MTREX: variants seen among roughly 807,000 people sequenced by gnomAD.
MTREX encodes Mtr4 exosome RNA helicase.
MTREX carries 76 observed loss-of-function variants against 135.4 expected under a neutral mutation model. The observed-to-expected ratio is 0.56, with a 90% CI of 0.47 to 0.68. The LOEUF (loss-of-function observed/expected upper bound fraction) is 0.68, where lower values mean the gene tolerates loss of function less well. Among genes scored for constraint, MTREX ranks in the 30% least tolerant of loss-of-function variants. MTREX has a pLI of 0.00. For synonymous variants in MTREX, 404 were observed against 401.6 expected, an observed-to-expected ratio of 1.01 and a Z score of -0.07; for missense variants, 920 against 1,262.1, an observed-to-expected ratio of 0.73 and a Z score of 4.11.
intron 5 of MTREX, among the ~76,000 whole-genome samples, chr5:55,330,033 C>G (rs1401223346): frequency 1.3e-5 from 2 of 151,794 alleles, no homozygotes; most frequent in African/African-American, 4.8e-5. Context: ...ATCTTTGCTT[C>G]TGAATTTTCT....
intron 11 of MTREX, among the ~76,000 whole-genome samples, chr5:55,348,335 G>C (rs993802750): frequency 6.6e-6 from 1 of 152,162 alleles, no homozygotes; most frequent in Admixed American, 6.5e-5. Flanking sequence ...CATTCATGAG[G>C]ACCCTGTCTC....
chr5:55,414,305 T>G, intron 24 of MTREX, 67 bp downstream of exon 24: 1 of 1,236,520 alleles, frequency 8.1e-7, no homozygotes, highest in African/African-American at 1.6e-5. Context: ...AATAAACATT[T>G]TTGATAATCT....
In MTREX at chr5:55,425,234, T is replaced by C. The variant is rs144798547; in HGVS notation, c.*462T>C. ...AGGCTGGTGATTGCTCGGATAGTGA[T>C]TCCCAGTTGTTGGTGTTTCATGCAG... On this transcript the variant is annotated 3_prime_UTR_variant, in exon 27 of 27. Coordinates refer to ENST00000230640, the MANE Select transcript of MTREX (RefSeq NM_015360.5). 1.6e-4 allele frequency: 266 copies of C among 1,613,846 alleles called. No individual in the cohort carries two copies. The highest frequency in any genetic ancestry group is 2.1e-4 in the Non-Finnish European group (250 of 1,179,964).
At chr5:55,322,614 T>A in intron 2 of MTREX, 150 bp downstream of exon 2, 2 of 543,292 alleles carry the variant, frequency 3.7e-6, no homozygotes, top group Non-Finnish European at 6.2e-6. Flanking sequence ...CATGTAAATG[T>A]AGAACACTTA....
At chr5:55,330,243 G>C (rs1238834224) in intron 5 of MTREX, among the ~76,000 whole-genome samples, 5 of 151,774 alleles carry the variant, frequency 3.3e-5, no homozygotes, top group Non-Finnish European at 7.4e-5. Context: ...GACTGGCTAA[G>C]TTTTTGATTA....
intron 19 of MTREX, among the ~76,000 whole-genome samples, chr5:55,396,425 T>A (rs1336213596): frequency 6.6e-6 from 1 of 152,152 alleles, no homozygotes; most frequent in Non-Finnish European, 1.5e-5. Context: ...ATACATGTAT[T>A]TGCTGGTCAA....
chr5:55,346,255 A>G (rs1749730950), intron 10 of MTREX, among the ~76,000 whole-genome samples: 1 of 152,210 alleles, frequency 6.6e-6, no homozygotes, highest in Non-Finnish European at 1.5e-5. Flanking sequence ...AGTATTTTCC[A>G]AAGTGGCTAT....
chr5:55,358,716 G>C lies in MTREX; in HGVS notation c.1659+18G>C. 1 of 1,567,112 alleles carries C rather than the reference G, an allele frequency of 6.4e-7. No individual in the cohort carries two copies. The highest frequency in any genetic ancestry group is 8.6e-7 in the Non-Finnish European group (1 of 1,164,480). On this transcript the variant is annotated intron_variant, in intron 15 of 26. Transcript: ENST00000230640. Reference sequence around the variant, plus strand: ...TACTTAAGGTAACTACATTAAGATTGTGTACCTTTACCAAGAATTCCAGAA... The same window carrying C: ...TACTTAAGGTAACTACATTAAGATTCTGTACCTTTACCAAGAATTCCAGAA...
intron 12 of MTREX, among the ~76,000 whole-genome samples, chr5:55,350,640 A>G (rs1400037219): frequency 1.3e-5 from 2 of 152,226 alleles, no homozygotes; most frequent in Non-Finnish European, 2.9e-5. Flanking sequence ...ATAATGTGTA[A>G]TTGTTTTTTG....
chr5:55,329,116 A>G (rs1749427685), intron 5 of MTREX, among the ~76,000 whole-genome samples: 1 of 152,102 alleles, frequency 6.6e-6, no homozygotes, highest in African/African-American at 2.4e-5. Flanking sequence ...CTTGGTTTGC[A>G]GAGATTTTGT....
intron 16 of MTREX, among the ~76,000 whole-genome samples, chr5:55,373,621 TCACA>T (rs1218417604): frequency 2.1e-4 from 32 of 152,144 alleles, no homozygotes; most frequent in Admixed American, 2.0e-3. Context: ...TGTGAGCTAC[TCACA>T]CACACACAAA....
intron 21 of MTREX, among the ~76,000 whole-genome samples, chr5:55,400,934 T>C (rs550400379): frequency 1.8e-3 from 273 of 152,372 alleles, no homozygotes; most frequent in African/African-American, 6.3e-3. Flanking sequence ...TTGTGTCTGC[T>C]GTCTTTCAGT....
intron 16 of MTREX, among the ~76,000 whole-genome samples, chr5:55,370,562 A>G (rs913941176): frequency 6.6e-6 from 1 of 152,176 alleles, no homozygotes; most frequent in Non-Finnish European, 1.5e-5. Context: ...TTAAAGGGGC[A>G]GGCTCTGTTT....
At chr5:55,357,283 C>A (rs1749932889) in intron 14 of MTREX, 1 of 152,478 alleles carries the variant, frequency 6.6e-6, no homozygotes, top group Non-Finnish European at 1.5e-5. Context: ...ACTTAACTGT[C>A]ATATATGGGT....
At chr5:55,403,012 A>G (rs1390021070) in intron 21 of MTREX, among the ~76,000 whole-genome samples, 1 of 151,930 alleles carries the variant, frequency 6.6e-6, no homozygotes, top group African/African-American at 2.4e-5. Flanking sequence ...ACCCTGGACA[A>G]GATGATGAGA....
At chr5:55,355,330 C>T (rs1490004379) in intron 14 of MTREX, among the ~76,000 whole-genome samples, 1 of 152,174 alleles carries the variant, frequency 6.6e-6, no homozygotes, top group Non-Finnish European at 1.5e-5. Flanking sequence ...AGGATTGAAC[C>T]AGGGCTGACA....
intron 23 of MTREX, among the ~76,000 whole-genome samples, chr5:55,412,793 C>A (rs1224821993): frequency 6.6e-6 from 1 of 152,124 alleles, no homozygotes; most frequent in Admixed American, 6.5e-5. Flanking sequence ...AGCTGTTGAC[C>A]ATGAATAGAC....
intron 8 of MTREX, among the ~76,000 whole-genome samples, chr5:55,344,034 G>C (rs1749692141): frequency 6.6e-6 from 1 of 151,880 alleles, no homozygotes; most frequent in African/African-American, 2.4e-5. Context: ...CTGTTTATAA[G>C]CTCCCTGATC....
chr5:55,379,121 T>A lies in MTREX; in HGVS notation c.1984-6T>A. On this transcript the variant is annotated splice_region_variant and splice_polypyrimidine_tract_variant and intron_variant, in intron 17 of 26. Transcript: ENST00000230640. ...TTCTTGCTTACTTGCTTTTCTTTCT[T>A]TTTAGGTAAAGAATGAAGGAGATGA... 6.2e-7 allele frequency: 1 copy of A among 1,605,964 alleles called. No individual in the cohort carries two copies. The highest frequency in any genetic ancestry group is 8.5e-7 in the Non-Finnish European group (1 of 1,175,084).
Sources: allele counts gnomAD v4.1 joint callset (sites outside exome capture counted in the v4.1 genomes callset), GRCh38; gene constraint gnomAD v4.1.1; transcripts MANE v1.5; gene names NCBI Gene and HGNC (gene_info 2026-07-23, HGNC 2026-07-21).